MINDY1: variants seen among roughly 807,000 people sequenced by gnomAD.
MINDY1 encodes the protein MINDY lysine 48 deubiquitinase 1.
MINDY1 carries 50 observed loss-of-function variants against 53.6 expected under a neutral mutation model. That is an observed-to-expected ratio of 0.93 (90% CI 0.74 to 1.18). The LOEUF (loss-of-function observed/expected upper bound fraction) is 1.18. Among genes scored for constraint, MINDY1 ranks in the 50% most tolerant of loss-of-function variants. MINDY1 has a pLI of 0.00. For missense variants in MINDY1, 484 were observed against 578.6 expected (o/e 0.84, Z 1.68); for synonymous variants, 231 against 234.7 (o/e 0.98, Z 0.14).
At chr1:151,001,377 TCTC>T (rs1204756699) in intron 3 of MINDY1, 63 bp from the exon 4 acceptor site, 7 of 1,559,720 alleles carry the variant, frequency 4.5e-6, no homozygotes, top group South Asian at 1.1e-5. Flanking sequence ...AGTTTCCTCT[TCTC>T]CTGGAGAATG....
chr1:150,999,340 G>A lies in MINDY1; in HGVS notation c.981+29C>T, dbSNP rs368632463. 5.1e-5 allele frequency: 83 copies of A among 1,612,416 alleles called. No homozygotes were observed. The African/African-American group carries it at 9.3e-4, about 18-fold the overall frequency. ...AAAGGCACCAGGAAATGACAGCACC[G>A]CAGCACGCCACCCCCAAACTCGCAT... is the stretch of plus-strand genomic sequence containing the variant. On this transcript the variant is annotated intron_variant, in intron 7 of 9. Transcript: ENST00000683666. The surrounding 1 kb of genome is among the most constrained non-coding windows in gnomAD (Gnocchi z 4.4).
Position 151,001,789 on chromosome 1 carries a change from G to T in MINDY1, c.454-7C>A. 1 of 1,591,352 alleles carries T rather than the reference G, an allele frequency of 6.3e-7. No homozygotes were observed. Among genetic ancestry groups the T allele is most frequent in the Admixed American group, 1.9e-5 (1 of 52,694 alleles). On this transcript the variant is annotated splice_region_variant and splice_polypyrimidine_tract_variant and intron_variant, in intron 2 of 9. Transcript: ENST00000683666. Reference sequence around the variant, plus strand: ...TCTGCGGGGGGAGCTTCACCTGGAGGCAGAAGGGGTGATCACGTGTGTGCT... The same window carrying T: ...TCTGCGGGGGGAGCTTCACCTGGAGTCAGAAGGGGTGATCACGTGTGTGCT...
In MINDY1 at chr1:150,999,998, A is replaced by C; in HGVS notation, c.736-34T>G. On this transcript the variant is annotated intron_variant, in intron 5 of 9. Coordinates refer to ENST00000683666, the MANE Select transcript of MINDY1 (RefSeq NM_001376665.1). This position sits in a 1 kb window ranked among gnomAD's most constrained non-coding sequence, Gnocchi z 4.4. ...GTAGTGGGATGTGGGATACCAAAAA[A>C]ATTGGGATTTTTTTTTCTTTTTTAA... is the stretch of plus-strand genomic sequence containing the variant. The C allele has an allele frequency of 6.4e-7, 1 of 1,552,484 alleles. No individual in the cohort carries two copies. Among genetic ancestry groups the C allele is most frequent in the Non-Finnish European group, 8.9e-7 (1 of 1,127,644 alleles).
chr1:151,000,016 T>C (rs771720476), intron 5 of MINDY1, 52 bp from the exon 6 acceptor site: 1 of 1,372,990 alleles, frequency 7.3e-7, no homozygotes, highest in Non-Finnish European at 1.0e-6. Flanking sequence ...TTTTTTTTTC[T>C]TTTTTAAGGA....
chr1:151,006,225 C>G (rs587596488), intron 1 of MINDY1, 87 bp downstream of exon 1: 1 of 1,530,834 alleles, frequency 6.5e-7, no homozygotes, highest in Admixed American at 2.0e-5. Flanking sequence ...GGTGGAAGGA[C>G]AGCAGGTGTC....
chr1:151,008,260 C>G (rs587647956), upstream of MINDY1: 45 of 1,197,226 alleles, frequency 3.8e-5, 1 homozygote, highest in South Asian at 7.3e-4. Flanking sequence ...ATTTGTTTAC[C>G]GAACGACTGA....
chr1:151,002,722 GA>G lies in MINDY1; in HGVS notation c.-89-17del. 3 of 1,560,346 alleles carry G rather than the reference GA, an allele frequency of 1.9e-6. No individual in the cohort carries two copies. The highest frequency in any genetic ancestry group is 2.6e-6 in the Non-Finnish European group (3 of 1,151,664). ...AAAGAGTGACCTGTCCAATAAGAAG[GA>G]AATCAGTGGGCTGGAAAGCAAACTA... is the stretch of plus-strand genomic sequence containing the variant. On this transcript the variant is annotated splice_polypyrimidine_tract_variant and intron_variant, in intron 1 of 9. Coordinates refer to ENST00000683666, the MANE Select transcript of MINDY1 (RefSeq NM_001376665.1). The surrounding 1 kb of genome is among the most constrained non-coding windows in gnomAD (Gnocchi z 4.1).
rs1186208860 is a variant in MINDY1 at position 151,000,524 on chromosome 1, G to A, written c.668C>T (p.Thr223Ile). Residue 223 changes from threonine (T) to isoleucine (I), a missense_variant, in exon 5 of 10, where the codon ACA becomes ATA. Physicochemically the swap from Thr to Ile is moderately conservative, Grantham distance 89 (BLOSUM62 -1). Coordinates refer to ENST00000683666, the MANE Select transcript of MINDY1 (RefSeq NM_001376665.1). ...CAGGTCAAAGACACTGCACTCGGGTGTATACTCAAAATCAGAGACGCCTGT... is the reference window on the plus strand; with the variant it reads ...CAGGTCAAAGACACTGCACTCGGGTATATACTCAAAATCAGAGACGCCTGT... Reference protein sequence around the residue: ...RFTGVSDFEYTPECSVFDLLG... With the variant: ...RFTGVSDFEYIPECSVFDLLG... 1 of 1,614,092 alleles carries A rather than the reference G, an allele frequency of 6.2e-7. No homozygotes were observed. The highest frequency in any genetic ancestry group is 8.5e-7 in the Non-Finnish European group (1 of 1,180,024).
At chr1:151,007,945 G>GA (rs1673406693), upstream of MINDY1, among the ~76,000 whole-genome samples, 1 of 152,142 alleles carries the variant, frequency 6.6e-6, no homozygotes, top group African/African-American at 2.4e-5. Flanking sequence ...CGAGGCTGTA[G>GA]AAAAAAACAG....
Position 150,997,075 on chromosome 1 carries a change from C to G in MINDY1, c.*212G>C, listed in dbSNP as rs1205268557. 3.3e-6 allele frequency: 2 copies of G among 602,054 alleles called. No homozygotes were observed. The highest frequency in any genetic ancestry group is 6.0e-6 in the Non-Finnish European group (2 of 335,922). 37.3% of individuals were successfully genotyped at this position (602,054 alleles called of 1,614,324 possible). On this transcript the variant is annotated 3_prime_UTR_variant, in exon 10 of 10. Transcript: ENST00000683666. ...AGTTGAGAACCAGAAACCCACCAAT[C>G]CTAGTGTTGCCCTGGATGGGAGGCA...
Position 150,997,365 on chromosome 1 carries a change from C to A in MINDY1, c.1332G>T (p.Gly444=). The part of the protein sequence containing the change: ...RMRTRVLSLQ[G]RGATSGRPAG... ...CTGGGCGTCCAGATGTGGCTCCTCT[C>A]CCCTGTATCGGATTTAACAATTGGT... Residue 444 remains glycine (G), a splice_region_variant and synonymous_variant, in exon 10 of 10, where the codon GGG becomes GGT. Transcript: ENST00000683666. 6.3e-7 allele frequency: 1 copy of A among 1,598,650 alleles called. No individual in the cohort carries two copies. Among genetic ancestry groups the A allele is most frequent in the Non-Finnish European group, 8.5e-7 (1 of 1,171,292 alleles).
At chr1:151,004,079 T>C (rs1241134872) in intron 1 of MINDY1, among the ~76,000 whole-genome samples, 1 of 152,080 alleles carries the variant, frequency 6.6e-6, no homozygotes, top group Non-Finnish European at 1.5e-5. Flanking sequence ...TGCAACACCA[T>C]GCCCAGCTAA....
At position 151,002,745 on chromosome 1, in the gene MINDY1, A is replaced by G. The variant is rs939337256; in HGVS notation, c.-89-39T>C. Reference sequence around the variant, plus strand: ...AGGAAATCAGTGGGCTGGAAAGCAAACTAACCCAGAAAAGTCTTGGAAAAG... The same window carrying G: ...AGGAAATCAGTGGGCTGGAAAGCAAGCTAACCCAGAAAAGTCTTGGAAAAG... On this transcript the variant is annotated intron_variant, in intron 1 of 9. Coordinates refer to ENST00000683666, the MANE Select transcript of MINDY1 (RefSeq NM_001376665.1). This position sits in a 1 kb window ranked among gnomAD's most constrained non-coding sequence, Gnocchi z 4.1. 2.6e-6 allele frequency: 4 copies of G among 1,518,558 alleles called. No individual in the cohort carries two copies. In the Admixed American group the frequency reaches 6.7e-5, roughly 25 times the overall value. 94.1% of individuals were successfully genotyped at this position (1,518,558 alleles called of 1,614,324 possible).
chr1:151,003,764 A>AT (rs1317594896), intron 1 of MINDY1, among the ~76,000 whole-genome samples: 1 of 151,306 alleles, frequency 6.6e-6, no homozygotes, highest in Non-Finnish European at 1.5e-5. Flanking sequence ...TCCTCAGTTC[A>AT]TTTTTTTTCC....
chr1:150,999,846 A>C lies in MINDY1; in HGVS notation c.838+16T>G, dbSNP rs1672334090. The C allele has an allele frequency of 6.2e-7, 1 of 1,606,310 alleles. No individual in the cohort carries two copies. The highest frequency in any genetic ancestry group is 1.3e-5 in the African/African-American group (1 of 74,708). ...TTCCCTCCACATACTATCCATGAGA[A>C]GGGGAGGAATGTCACCTTCTGTCAC... is the stretch of plus-strand genomic sequence containing the variant. On this transcript the variant is annotated intron_variant, in intron 6 of 9. Coordinates refer to ENST00000683666, the MANE Select transcript of MINDY1 (RefSeq NM_001376665.1). The surrounding 1 kb of genome is among the most constrained non-coding windows in gnomAD (Gnocchi z 4.4).
At chr1:151,000,427 T>C in intron 5 of MINDY1, 30 bp downstream of exon 5, 1 of 1,562,366 alleles carries the variant, frequency 6.4e-7, no homozygotes, top group Non-Finnish European at 8.7e-7. Context: ...TTGAGCTGGA[T>C]AAGGTCCCAG....
At chr1:150,997,999 G>A in intron 8 of MINDY1, 83 bp downstream of exon 8, 2 of 1,424,218 alleles carry the variant, frequency 1.4e-6, no homozygotes, top group South Asian at 1.3e-5. Flanking sequence ...GGTTCACATG[G>A]CCTCTAGCAG....
At chr1:151,000,044 C>T (rs757993972) in intron 5 of MINDY1, 80 bp from the exon 6 acceptor site, 2 of 1,048,446 alleles carry the variant, frequency 1.9e-6, no homozygotes, top group South Asian at 2.7e-5. Context: ...GAACAAAGCT[C>T]ACAAGGACTA....
At chr1:151,001,620 G>T in intron 3 of MINDY1, 105 bp downstream of exon 3, 2 of 1,392,428 alleles carry the variant, frequency 1.4e-6, no homozygotes, top group Non-Finnish European at 2.0e-6. Context: ...CCTCCCTGCT[G>T]TATCAGAACC....
Sources: gnomAD v4.1 joint callset for allele counts (sites outside exome capture counted in the v4.1 genomes callset) on GRCh38, gnomAD v4.1.1 for gene constraint, Gnocchi (gnomAD v3.1) non-coding constraint, MANE v1.5 for transcripts, NCBI Gene and HGNC (gene_info 2026-07-23, HGNC 2026-07-21) for gene names.